KAZN: variants seen among roughly 807,000 people sequenced by gnomAD.
The protein encoded by KAZN is kazrin.
A neutral mutation model predicts 87.4 loss-of-function variants in KAZN; 40 were observed. That is an observed-to-expected ratio of 0.46 (90% CI 0.36 to 0.60). The LOEUF (loss-of-function observed/expected upper bound fraction) is 0.60, where lower values mean the gene tolerates loss of function less well. KAZN is among the 20% of genes least tolerant of loss of function. The pLI is 0.00. For synonymous variants in KAZN, 466 were observed against 458.3 expected (o/e 1.02, Z -0.22); for missense variants, 898 against 1,073.9 (o/e 0.84, Z 2.29).
At chr1:14,758,193 T>A (rs1328262417) in intron 1 of KAZN, among the ~76,000 whole-genome samples, 1 of 151,862 alleles carries the variant, frequency 6.6e-6, no homozygotes, top group Non-Finnish European at 1.5e-5. Flanking sequence ...CTTGACAGGC[T>A]CTTGCTTTGT....
At chr1:14,006,795 C>T (rs915043930) in intron 1 of KAZN, among the ~76,000 whole-genome samples, 1 of 151,998 alleles carries the variant, frequency 6.6e-6, no homozygotes, top group Non-Finnish European at 1.5e-5. Context: ...CTCAAGATTG[C>T]TTTGGCTATT....
At chr1:14,517,766 T>C (rs986531316) in intron 2 of KAZN, among the ~76,000 whole-genome samples, 1 of 152,244 alleles carries the variant, frequency 6.6e-6, no homozygotes, top group African/African-American at 2.4e-5. Flanking sequence ...GCTGCTTAAA[T>C]ACCAGGTCCA....
intron 1 of KAZN, among the ~76,000 whole-genome samples, chr1:14,691,449 G>T (rs1226638748): frequency 6.6e-6 from 1 of 152,122 alleles, no homozygotes; most frequent in East Asian, 1.9e-4. Flanking sequence ...TAACAGAGAT[G>T]AACTCTAGGT....
At position 15,096,933 on chromosome 1, in the gene KAZN, C is replaced by T. The variant is rs369142416; in HGVS notation, c.1547+2000C>T. 1.3e-4 allele frequency among the ~76,000 whole-genome samples: 20 copies of T among 152,294 alleles called. No homozygotes were observed. Among genetic ancestry groups the T allele is most frequent in the Non-Finnish European group, 2.2e-4 (15 of 68,028 alleles). On this transcript the variant is annotated intron_variant, in intron 10 of 14. Transcript: ENST00000376030. The surrounding 1 kb of genome is among the most constrained non-coding windows in gnomAD (Gnocchi z 4.5). ...CATTTAATCCCTAACAGTGGCACCA[C>T]GTTAACCTCCAGGAACCAGGAGTCT...
upstream of KAZN, chr1:14,598,683 T>A (rs1027443479): frequency 8.6e-6 from 11 of 1,279,222 alleles, no homozygotes; most frequent in African/African-American, 1.6e-4. The surrounding 1 kb of genome is among the most constrained non-coding windows in gnomAD (Gnocchi z 4.2). Flanking sequence ...GCGCGCGGTG[T>A]CCTTCTTGGA....
rs752102770 is a variant in KAZN at position 15,101,774 on chromosome 1, G to A, written c.1779G>A (p.Glu593=). Residue 593 remains glutamate, a splice_region_variant and synonymous_variant, in exon 11 of 15, where the codon GAG becomes GAA. Transcript: ENST00000376030. ...TGTACCAAGTGAACTTCAGCAGGGA[G>A]GTGAGGACCAGGGCACAGGGTGGGG... ...ELLYQVNFSR[E]ALQERRARCE... is the part of the protein sequence containing the mutation. 8 of 1,568,918 alleles carry A rather than the reference G, an allele frequency of 5.1e-6. No individual in the cohort carries two copies. The East Asian group carries it at 1.9e-4, about 37-fold the overall frequency.
At chr1:14,275,444 CTGTGTGTGTGTGTGTGTGTGTGTG>C (rs60684981) in intron 2 of KAZN, among the ~76,000 whole-genome samples, 1 of 136,880 alleles carries the variant, frequency 7.3e-6, no homozygotes, top group African/African-American at 2.8e-5. Context: ...GTGGTAAATA[CTGTGTGTGTGTGTGTGTGTGTGTG>C]TGTGTGTGTG....
chr1:15,114,671 C>A lies in KAZN; in HGVS notation c.*36C>A. 1.3e-6 allele frequency: 2 copies of A among 1,550,032 alleles called. No individual in the cohort carries two copies. The highest frequency in any genetic ancestry group is 1.7e-6 in the Non-Finnish European group (2 of 1,146,256). ...GCTCCACCAGACCCAACGTGAGAGA[C>A]CCAGGAAGGAAGAGAAGCCAGATGG... On this transcript the variant is annotated 3_prime_UTR_variant, in exon 15 of 15. Transcript: ENST00000376030.
intron 2 of KAZN, among the ~76,000 whole-genome samples, chr1:14,323,188 G>C (rs115862346): frequency 6.6e-6 from 1 of 152,040 alleles, no homozygotes; most frequent in Non-Finnish European, 1.5e-5. Context: ...GGGTGGGGAC[G>C]CAAAACCTAA....
At chr1:14,485,339 A>T (rs2148398783) in intron 2 of KAZN, among the ~76,000 whole-genome samples, 1 of 152,328 alleles carries the variant, frequency 6.6e-6, no homozygotes, top group South Asian at 2.1e-4. Flanking sequence ...GAATTAATCC[A>T]GATATGTCTT....
chr1:15,049,138 G>A (rs1340142006), intron 4 of KAZN, among the ~76,000 whole-genome samples: 6 of 152,306 alleles, frequency 3.9e-5, no homozygotes, highest in Admixed American at 3.9e-4. Flanking sequence ...ATGGCCTGAA[G>A]GAGGCAGCTC....
intron 2 of KAZN, among the ~76,000 whole-genome samples, chr1:14,545,708 C>T (rs1338330014): frequency 6.6e-6 from 1 of 152,156 alleles, no homozygotes; most frequent in Non-Finnish European, 1.5e-5. Context: ...GCTACATGCT[C>T]GTCCAGGTAG....
intron 1 of KAZN, among the ~76,000 whole-genome samples, chr1:13,930,317 CT>C (rs1397539036): frequency 2.0e-5 from 3 of 152,214 alleles, no homozygotes; most frequent in African/African-American, 7.2e-5. Context: ...TGCAGTAGAC[CT>C]GAACCCCACC....
chr1:14,856,153 G>A lies in KAZN; in HGVS notation c.227-104531G>A, dbSNP rs1207699970. Among the ~76,000 whole-genome samples, 1 of 152,168 alleles carries A rather than the reference G, an allele frequency of 6.6e-6. No individual in the cohort carries two copies. The highest frequency in any genetic ancestry group is 6.5e-5 in the Admixed American group (1 of 15,276). ...TCTGTGCTATAAAATCAGACTCTGA[G>A]GGTGGTCAGGGAGGCTGCAGCTCTT... On this transcript the variant is annotated intron_variant, in intron 1 of 14. Coordinates refer to ENST00000376030, the MANE Select transcript of KAZN (RefSeq NM_201628.3). The surrounding 1 kb of genome is among the most constrained non-coding windows in gnomAD (Gnocchi z 5.2).
chr1:14,834,356 CTTTTT>C (rs34228625), intron 1 of KAZN, among the ~76,000 whole-genome samples: 7 of 88,658 alleles, frequency 7.9e-5, no homozygotes, highest in African/African-American at 3.1e-4. Context: ...AAGTCACTTC[CTTTTT>C]TTTTTTTTTT....
In KAZN at chr1:14,819,957, G is replaced by A. The variant is rs748436552; in HGVS notation, c.227-140727G>A. On this transcript the variant is annotated intron_variant, in intron 1 of 14. Coordinates refer to ENST00000376030, the MANE Select transcript of KAZN (RefSeq NM_201628.3). ...ACTCCTGACTTCAGTTGATCCACCCGTCTCAGCCTCCCAAAGTGCTACGAT... is the reference window on the plus strand; with the variant it reads ...ACTCCTGACTTCAGTTGATCCACCCATCTCAGCCTCCCAAAGTGCTACGAT... Among the ~76,000 whole-genome samples the A allele has an allele frequency of 3.3e-5, 5 of 151,868 alleles. No homozygotes were observed. The South Asian group carries it at 6.2e-4, about 19-fold the overall frequency.
intron 2 of KAZN, among the ~76,000 whole-genome samples, chr1:14,463,572 C>T (rs2148353433): frequency 6.6e-6 from 1 of 152,176 alleles, no homozygotes; most frequent in African/African-American, 2.4e-5. Flanking sequence ...CAATATAGTC[C>T]TTAGAATTGG....
intron 1 of KAZN, among the ~76,000 whole-genome samples, chr1:14,917,889 T>C (rs1455179902): frequency 6.6e-6 from 1 of 152,042 alleles, no homozygotes; most frequent in Non-Finnish European, 1.5e-5. Context: ...TTTCTTTCTT[T>C]CTTTTTTGAG....
In KAZN at chr1:14,485,872, G is replaced by A. The variant is rs548815507; in HGVS notation, c.250-113111G>A. ...CACACCACTGCACTCCAGCCTGGGCGACAGAGCGAGACTCCATCTCAAAAA... is the reference window on the plus strand; with the variant it reads ...CACACCACTGCACTCCAGCCTGGGCAACAGAGCGAGACTCCATCTCAAAAA... On this transcript the variant is annotated intron_variant, in intron 2 of 16. Coordinates refer to the KAZN transcript ENST00000636203. Among the ~76,000 whole-genome samples, 6 of 146,218 alleles carry A rather than the reference G, an allele frequency of 4.1e-5. No individual in the cohort carries two copies. In the South Asian group the frequency reaches 8.7e-4, roughly 21 times the overall value.
Sources: gnomAD v4.1 joint callset for allele counts (sites outside exome capture counted in the v4.1 genomes callset) on GRCh38, gnomAD v4.1.1 for gene constraint, Gnocchi (gnomAD v3.1) non-coding constraint, MANE v1.5 for transcripts, NCBI Gene and HGNC (gene_info 2026-07-23, HGNC 2026-07-21) for gene names.